NUB1: variants seen among roughly 807,000 people sequenced by gnomAD.
NUB1 encodes negative regulator of ubiquitin like proteins 1.
Under a neutral mutation model 77.1 loss-of-function variants are expected in NUB1, and 41 were observed. That is an observed-to-expected ratio of 0.53 (90% CI 0.41 to 0.69). The LOEUF is 0.69. Ranked by LOEUF, NUB1 falls within the 30% of genes least tolerant of loss-of-function variation. NUB1 has a pLI of 0.00. For synonymous variants in NUB1, 257 were observed against 281.0 expected (o/e 0.91, Z 0.85); for missense variants, 643 against 743.8 (o/e 0.86, Z 1.58).
intron 12 of NUB1, 45 bp from the exon 13 acceptor site, chr7:151,375,803 G>C (rs1287311429): frequency 7.7e-7 from 1 of 1,299,004 alleles, no homozygotes; most frequent in East Asian, 2.3e-5. Context: ...CTGAATGTGT[G>C]AAGAGTTCTT....
intron 4 of NUB1, chr7:151,352,239 A>C: frequency 2.2e-6 from 1 of 452,930 alleles, no homozygotes. Context: ...CTTCCTGTTC[A>C]CATGGATCTA....
chr7:151,360,052 C>T, intron 7 of NUB1, 89 bp from the exon 8 acceptor site: 62 of 572,332 alleles, frequency 1.1e-4, no homozygotes, highest in South Asian at 4.7e-4. Flanking sequence ...ATTTTTTTTA[C>T]TTTGTTTTTT....
chr7:151,346,741 T>G (rs1417318063), intron 2 of NUB1, among the ~76,000 whole-genome samples: 1 of 152,238 alleles, frequency 6.6e-6, no homozygotes, highest in Non-Finnish European at 1.5e-5. Flanking sequence ...TACCTCTTCA[T>G]GTGAATGGTT....
intron 5 of NUB1, among the ~76,000 whole-genome samples, chr7:151,353,379 C>T (rs957988085): frequency 6.6e-6 from 1 of 151,990 alleles, no homozygotes; most frequent in African/African-American, 2.4e-5. Flanking sequence ...CTGTGAATTC[C>T]CAGGAGACAT....
intron 2 of NUB1, among the ~76,000 whole-genome samples, chr7:151,348,815 T>G (rs1796640456): frequency 6.6e-6 from 1 of 152,142 alleles, no homozygotes; most frequent in South Asian, 2.1e-4. Context: ...CCTCAAGTGA[T>G]GCGCCTGCCT....
chr7:151,376,257 G>A (rs1798233361), intron 13 of NUB1: 4 of 466,222 alleles, frequency 8.6e-6, no homozygotes, highest in Non-Finnish European at 1.6e-5. Context: ...TGTGACCTGG[G>A]AAACCCATCC....
rs768112767 is a variant in NUB1, at chr7:151,345,508, A to G, written c.117+42A>G. ...ACATCAATAATTAGCAGCATTATAA[A>G]TCTCCTTGGTAAATAAGATTCTGAA... On this transcript the variant is annotated intron_variant, in intron 2 of 14. Coordinates refer to ENST00000568733, the MANE Select transcript of NUB1 (RefSeq NM_001243351.2). 2.6e-5 allele frequency: 27 copies of G among 1,032,760 alleles called. No homozygotes were observed. In the African/African-American group the frequency reaches 4.3e-4, roughly 17 times the overall value. 64.0% of individuals were successfully genotyped at this position (1,032,760 alleles called of 1,614,324 possible).
intron 3 of NUB1, 187 bp from the exon 4 acceptor site, chr7:151,351,237 G>A (rs1223535428): frequency 1.7e-6 from 1 of 576,700 alleles, no homozygotes; most frequent in Non-Finnish European, 3.1e-6. Flanking sequence ...GCCCCCTTGA[G>A]GACGTGCAGG....
At chr7:151,376,059 C>T (rs1450760654) in intron 13 of NUB1, 116 bp downstream of exon 13, 1 of 729,130 alleles carries the variant, frequency 1.4e-6, no homozygotes, top group Non-Finnish European at 2.5e-6. Context: ...CCTTGGCTCC[C>T]AGGCTCCAGG....
In NUB1 at chr7:151,377,205, T is replaced by C; in HGVS notation, c.1828T>C (p.Ser610Pro). Residue 610 changes from serine (S) to proline (P), a missense_variant, in exon 15 of 15, where the codon TCA becomes CCA. Ser to Pro is a moderately conservative substitution (Grantham distance 74). Coordinates refer to ENST00000568733, the MANE Select transcript of NUB1 (RefSeq NM_001243351.2). Reference sequence around the variant, plus strand: ...CCTATCCTATGTAGAAAATAGGAAGTCAGCAACAAAGAAAAACTAAATAAT... The same window carrying C: ...CCTATCCTATGTAGAAAATAGGAAGCCAGCAACAAAGAAAAACTAAATAAT... ...EYLSYVENRK[S>P]ATKKN The C allele has an allele frequency of 1.3e-6, 2 of 1,553,656 alleles. No homozygotes were observed. The highest frequency in any genetic ancestry group is 1.7e-6 in the Non-Finnish European group (2 of 1,151,738).
intron 5 of NUB1, among the ~76,000 whole-genome samples, chr7:151,353,314 G>A (rs532385487): frequency 4.6e-5 from 7 of 152,274 alleles, no homozygotes; most frequent in Admixed American, 3.9e-4. Flanking sequence ...GCTGTGTGTG[G>A]AGAATGAGGG....
intron 1 of NUB1, among the ~76,000 whole-genome samples, chr7:151,344,321 A>G (rs1460044835): frequency 2.0e-5 from 3 of 146,688 alleles, no homozygotes; most frequent in African/African-American, 7.5e-5. Flanking sequence ...TATATTTATT[A>G]TTATTTTGAG....
At chr7:151,363,532 C>A (rs1797488822) in intron 8 of NUB1, among the ~76,000 whole-genome samples, 1 of 151,078 alleles carries the variant, frequency 6.6e-6, no homozygotes, top group Admixed American at 6.6e-5. Context: ...TAATTGGAGT[C>A]CCTGGAAAGG....
intron 13 of NUB1, 96 bp downstream of exon 13, chr7:151,376,039 C>T (rs758155456): frequency 2.4e-5 from 19 of 795,326 alleles, no homozygotes; most frequent in Non-Finnish European, 3.8e-5. Flanking sequence ...TGGGGGAGTC[C>T]GTGCTGAAAC....
chr7:151,374,391 C>T (rs1303689368), intron 12 of NUB1, 148 bp downstream of exon 12: 5 of 1,074,334 alleles, frequency 4.7e-6, no homozygotes, highest in South Asian at 4.1e-5. Flanking sequence ...TCCTGGGCTC[C>T]AGCCCAGACA....
intron 5 of NUB1, 140 bp from the exon 6 acceptor site, chr7:151,355,628 G>A (rs1351292590): frequency 8.8e-6 from 7 of 794,404 alleles, no homozygotes; most frequent in East Asian, 2.8e-5. Context: ...AGCCATGATC[G>A]TGTCACTGCA....
intron 3 of NUB1, among the ~76,000 whole-genome samples, chr7:151,350,450 C>A (rs564160613): frequency 6.6e-6 from 1 of 152,218 alleles, no homozygotes; most frequent in African/African-American, 2.4e-5. Context: ...CTGGAGTTAC[C>A]GCTAGACGAG....
At chr7:151,365,667 C>T (rs2150697332) in intron 8 of NUB1, among the ~76,000 whole-genome samples, 1 of 152,322 alleles carries the variant, frequency 6.6e-6, no homozygotes, top group Admixed American at 6.5e-5. Context: ...GGAGAAAGCA[C>T]CCCTCACCCA....
intron 4 of NUB1, chr7:151,351,944 A>C (rs1164109386): frequency 7.7e-6 from 2 of 260,890 alleles, no homozygotes; most frequent in African/African-American, 7.2e-5. Flanking sequence ...CACGTTTGCC[A>C]CATACTAGTG....
Sources: allele counts gnomAD v4.1 joint callset (sites outside exome capture counted in the v4.1 genomes callset), GRCh38; gene constraint gnomAD v4.1.1; transcripts MANE v1.5; gene names NCBI Gene and HGNC (gene_info 2026-07-23, HGNC 2026-07-21).